Variants in CEP170B observed in about 807,000 individuals in gnomAD.
CEP170B encodes centrosomal protein of 170 kDa protein B.
CEP170B carries 55 observed loss-of-function variants against 120.6 expected under a neutral mutation model. That is an observed-to-expected ratio of 0.46 (90% confidence interval 0.37 to 0.57). The LOEUF (loss-of-function observed/expected upper bound fraction) is 0.57. Among genes scored for constraint, CEP170B ranks in the 20% least tolerant of loss-of-function variants. The pLI is 0.00. For missense variants in CEP170B, 2,212 were observed against 2,253.3 expected (o/e 0.98, Z 0.37); for synonymous variants, 1,033 against 954.5 (o/e 1.08, Z -1.52).
rs1566867201 is a variant in CEP170B, at chr14:104,886,554, G to C, written c.2315G>C (p.Ser772Thr). 1 of 1,475,620 alleles carries C rather than the reference G, an allele frequency of 6.8e-7. No individual in the cohort carries two copies. The highest frequency in any genetic ancestry group is 2.6e-5 in the Admixed American group (1 of 38,470). The allele number at this position is 1,475,620 out of a possible 1,614,324, so 91.4% of individuals were successfully genotyped here. ...GAGCCACAGGACAGCAGACGCAGGA[G>C]CCCCCAGGAGGGGCCCACGTGGAGC... ...GVEPQDSRRRSPQEGPTWSRG... is the reference protein window; with the variant it reads ...GVEPQDSRRRTPQEGPTWSRG... The change falls in exon 12 of 19, where the codon AGC (serine) becomes ACC (threonine). Residue 772 changes from serine to threonine, a missense_variant. Around this residue, in one of 2 missense-constraint regions of CEP170B, gnomAD observed 2,166 missense variants for 2,166.7 expected, o/e 1.00. Transcript: ENST00000414716.
In CEP170B at chr14:104,887,622, G is replaced by T. The variant is rs553014433; in HGVS notation, c.3383G>T (p.Arg1128Leu). ...CCCACACGGGCCTCCCGGCTGAGGC[G>T]GGCCCGGCTGGGGGACGCTTCAGAC... ...PRPTRASRLRRARLGDASDTE... is the reference protein window; with the variant it reads ...PRPTRASRLRLARLGDASDTE... Residue 1128 changes from arginine to leucine, a missense_variant, in exon 12 of 19, where the codon CGG becomes CTG. Coordinates refer to ENST00000414716, the MANE Select transcript of CEP170B (RefSeq NM_001112726.3). 6.4e-7 allele frequency: 1 copy of T among 1,570,498 alleles called. No homozygotes were observed. The highest frequency in any genetic ancestry group is 1.8e-5 in the Admixed American group (1 of 54,054).
Position 104,887,243 on chromosome 14 carries a change from A to G in CEP170B, c.3004A>G (p.Ser1002Gly). 2 of 1,606,796 alleles carry G rather than the reference A, an allele frequency of 1.2e-6. No individual in the cohort carries two copies. Among genetic ancestry groups the G allele is most frequent in the Non-Finnish European group, 1.7e-6 (2 of 1,179,456 alleles). ...AQDPGGTALV[S>G]AREQSSERQH... Reference sequence around the variant, plus strand: ...GGACCCGGGAGGCACCGCCCTGGTCAGTGCCCGTGAGCAGTCCTCAGAGAG... The same window carrying G: ...GGACCCGGGAGGCACCGCCCTGGTCGGTGCCCGTGAGCAGTCCTCAGAGAG... Residue 1002 changes from serine (S) to glycine (G), a missense_variant, in exon 12 of 19, where the codon AGT (serine) becomes GGT (glycine). Coordinates refer to ENST00000414716, the MANE Select transcript of CEP170B (RefSeq NM_001112726.3).
At chr14:104,889,060 G>A (rs941682163) in intron 12 of CEP170B, among the ~76,000 whole-genome samples, 1 of 152,232 alleles carries the variant, frequency 6.6e-6, no homozygotes, top group Non-Finnish European at 1.5e-5. Context: ...GAAGCTTTGG[G>A]TCTGACAAAC....
chr14:104,877,742 C>G, intron 3 of CEP170B, 143 bp from the exon 4 acceptor site: 1 of 646,602 alleles, frequency 1.5e-6, no homozygotes, highest in Non-Finnish European at 2.8e-6. Flanking sequence ...CAGGCCATCA[C>G]TCGCCGTGGG....
At chr14:104,877,595 C>G (rs1328672344) in intron 3 of CEP170B, among the ~76,000 whole-genome samples, 1 of 152,170 alleles carries the variant, frequency 6.6e-6, no homozygotes, top group African/African-American at 2.4e-5. Flanking sequence ...CTCTTGGAGT[C>G]CACTTCACAA....
rs1335501484 is a variant in CEP170B, at chr14:104,893,502, T to TG, written c.4039-20dup. The TG allele has an allele frequency of 1.9e-6, 3 of 1,594,294 alleles. No homozygotes were observed. The African/African-American group carries it at 4.0e-5, about 21-fold the overall frequency. ...AGGAGCCTCTGCCTGGGGCCCACGG[T>TG]GCCGGCCCTCCCTCTTGCAGCTGGT... On this transcript the variant is annotated intron_variant, in intron 14 of 18. Transcript: ENST00000414716.
chr14:104,883,967 G>C lies in CEP170B; in HGVS notation c.1188G>C (p.Glu396Asp). 1 of 1,609,294 alleles carries C rather than the reference G, an allele frequency of 6.2e-7. No homozygotes were observed. The highest frequency in any genetic ancestry group is 8.5e-7 in the Non-Finnish European group (1 of 1,178,104). ...LQRQIKRDPQ[E>D]LLHNQQAFVI... is the part of the protein sequence containing the mutation. ...GGCAGATCAAGCGGGACCCCCAGGA[G>C]CTACTACATAACCAGCAGGCCTTTG... The change falls in exon 9 of 19, where the codon GAG becomes GAC. Residue 396 changes from glutamate to aspartate, a missense_variant. Physicochemically the swap from Glu to Asp is conservative, Grantham distance 45 (BLOSUM62 2). Around this residue, in one of 2 missense-constraint regions of CEP170B, gnomAD observed 2,166 missense variants for 2,166.7 expected, o/e 1.00. Coordinates refer to ENST00000414716, the MANE Select transcript of CEP170B (RefSeq NM_001112726.3).
rs536647873 is a variant in CEP170B at position 104,873,484 on chromosome 14, G to A, written c.106-2772G>A. Reference sequence around the variant, plus strand: ...CCTGCGGGAAAGGGGGCTGTGGAGAGAGAGGCTGACCGAGGGCTGCCGAGA... The same window carrying A: ...CCTGCGGGAAAGGGGGCTGTGGAGAAAGAGGCTGACCGAGGGCTGCCGAGA... On this transcript the variant is annotated intron_variant, in intron 2 of 18. Coordinates refer to ENST00000414716, the MANE Select transcript of CEP170B (RefSeq NM_001112726.3). 2.0e-5 allele frequency among the ~76,000 whole-genome samples: 3 copies of A among 152,228 alleles called. No individual in the cohort carries two copies. In the South Asian group the frequency reaches 6.2e-4, roughly 32 times the overall value.
In CEP170B at chr14:104,892,971, T is replaced by C. The variant is rs1896916225; in HGVS notation, c.3879-5T>C. On this transcript the variant is annotated splice_polypyrimidine_tract_variant and splice_region_variant and intron_variant, in intron 13 of 18. Coordinates refer to ENST00000414716, the MANE Select transcript of CEP170B (RefSeq NM_001112726.3). Reference sequence around the variant, plus strand: ...AGAACCTGCCGTCTTTCCTGCCGGCTGCAGGCTGAGCCAGACGCTGGTGAA... The same window carrying C: ...AGAACCTGCCGTCTTTCCTGCCGGCCGCAGGCTGAGCCAGACGCTGGTGAA... The C allele has an allele frequency of 2.6e-6, 4 of 1,560,084 alleles. No individual in the cohort carries two copies. Among genetic ancestry groups the C allele is most frequent in the Non-Finnish European group, 3.5e-6 (4 of 1,152,880 alleles).
At position 104,895,333 on chromosome 14, in the gene CEP170B, C is replaced by T. The variant is rs1472030624; in HGVS notation, c.*375C>T. ...GCCATTGCAGGTGCCCCCTCCAGGCCTGACTGGCTCCGCCAGGCACTAACC... is the reference window on the plus strand; with the variant it reads ...GCCATTGCAGGTGCCCCCTCCAGGCTTGACTGGCTCCGCCAGGCACTAACC... On this transcript the variant is annotated 3_prime_UTR_variant, in exon 19 of 19. Transcript: ENST00000414716. 1 of 200,208 alleles carries T rather than the reference C, an allele frequency of 5.0e-6. No homozygotes were observed. Among genetic ancestry groups the T allele is most frequent in the Non-Finnish European group, 1.0e-5 (1 of 99,840 alleles). The allele number at this position is 200,208 out of a possible 1,614,324, so 12.4% of individuals were successfully genotyped here. A position where few individuals can be genotyped will look rare whatever the true frequency, so the allele number is the denominator to read the frequency against.
rs1566868080 is a variant in CEP170B at position 104,886,885 on chromosome 14, G to GC, written c.2653dup (p.His885ProfsTer47). Reference sequence around the variant, plus strand: ...CCAGTGGTCCCCCAGCGCCCGGCAAGCCCCCCCACATCTCCAGCCACCCGC... The same window carrying GC: ...CCAGTGGTCCCCCAGCGCCCGGCAAGCCCCCCCCACATCTCCAGCCACCCGC... On this transcript the variant is annotated frameshift_variant, in exon 12 of 19. Coordinates refer to ENST00000414716, the MANE Select transcript of CEP170B (RefSeq NM_001112726.3). LOFTEE classifies it high-confidence loss of function. 7 of 1,610,318 alleles carry GC rather than the reference G, an allele frequency of 4.3e-6. No homozygotes were observed. Among genetic ancestry groups the GC allele is most frequent in the East Asian group, 2.2e-5 (1 of 44,874 alleles).
chr14:104,864,831 C>A (rs1400583355), upstream of CEP170B, among the ~76,000 whole-genome samples: 2 of 152,150 alleles, frequency 1.3e-5, no homozygotes, highest in Non-Finnish European at 2.9e-5. The surrounding 1 kb of genome is among the most constrained non-coding windows in gnomAD (Gnocchi z 5.9). Flanking sequence ...GTTGGGGACT[C>A]GAGGCGCGGC....
chr14:104,893,445 G>A, intron 14 of CEP170B, 78 bp from the exon 15 acceptor site: 1 of 1,511,902 alleles, frequency 6.6e-7, no homozygotes, highest in East Asian at 2.4e-5. Context: ...CACCTGCCGG[G>A]CCGGAGCAGG....
At chr14:104,866,539 C>T (rs890955973) in intron 1 of CEP170B, among the ~76,000 whole-genome samples, 7 of 151,928 alleles carry the variant, frequency 4.6e-5, no homozygotes, top group African/African-American at 1.4e-4. Flanking sequence ...GAGCTGGGTG[C>T]GTGGCTTAGG....
rs1236249766 is a variant in CEP170B, at chr14:104,891,179, A to G, written c.3878+1421A>G. On this transcript the variant is annotated intron_variant, in intron 13 of 18. Transcript: ENST00000414716. The surrounding 1 kb of genome is among the most constrained non-coding windows in gnomAD (Gnocchi z 4.3). ...GGGCCTCCTCAAAGGTTTTCATTAG[A>G]AATGAACTCCCTCACATGGTCATTC... is the stretch of plus-strand genomic sequence containing the variant. Among the ~76,000 whole-genome samples, 1 of 152,090 alleles carries G rather than the reference A, an allele frequency of 6.6e-6. No homozygotes were observed. Among genetic ancestry groups the G allele is most frequent in the Non-Finnish European group, 1.5e-5 (1 of 68,002 alleles).
intron 6 of CEP170B, among the ~76,000 whole-genome samples, chr14:104,882,079 C>T (rs1278331426): frequency 2.0e-5 from 3 of 152,174 alleles, no homozygotes; most frequent in Non-Finnish European, 4.4e-5. Flanking sequence ...GACCTGAGGG[C>T]ACTGGACACT....
chr14:104,886,014 A>C lies in CEP170B; in HGVS notation c.1945-26A>C, dbSNP rs1314501625. On this transcript the variant is annotated intron_variant, in intron 10 of 18. Transcript: ENST00000414716. ...TTCTCGCCGTTGGGCTTGCGTGTGG[A>C]AACACTCCCACCCTCCTCTCCACAG... 6.6e-6 allele frequency: 10 copies of C among 1,509,030 alleles called. No homozygotes were observed. In the Admixed American group the frequency reaches 1.7e-4, roughly 25 times the overall value. The allele number at this position is 1,509,030 out of a possible 1,614,324, so 93.5% of individuals were successfully genotyped here.
Position 104,886,051 on chromosome 14 carries a change from G to A in CEP170B, c.1956G>A (p.Val652=). The A allele has an allele frequency of 1.9e-6, 3 of 1,540,794 alleles. No homozygotes were observed. Among genetic ancestry groups the A allele is most frequent in the Non-Finnish European group, 2.6e-6 (3 of 1,142,284 alleles). Residue 652 remains valine, a synonymous_variant, in exon 11 of 19, where the codon GTG becomes GTA. Coordinates refer to ENST00000414716, the MANE Select transcript of CEP170B (RefSeq NM_001112726.3). ...CCTCCTCTCCACAGGGCCTCCCGGT[G>A]CCGGGCTCCCCTGGGGGTCAGAAGT... ...APQAEHQGLP[V]PGSPGGQKWV...
intron 2 of CEP170B, among the ~76,000 whole-genome samples, chr14:104,869,989 T>C (rs188182228): frequency 6.6e-6 from 1 of 152,364 alleles, no homozygotes; most frequent in Non-Finnish European, 1.5e-5. Flanking sequence ...TTGTGGTTGG[T>C]TGTTCCGGCT....
Sources: allele counts gnomAD v4.1 joint callset (sites outside exome capture counted in the v4.1 genomes callset), GRCh38; gene constraint gnomAD v4.1.1; regional missense constraint gnomAD v4.1.1; non-coding constraint Gnocchi (gnomAD v3.1); transcripts MANE v1.5; gene names NCBI Gene and HGNC (gene_info 2026-07-23, HGNC 2026-07-21).